Variants in PTPRG observed in about 807,000 individuals in gnomAD.
PTPRG encodes protein tyrosine phosphatase receptor type G.
PTPRG carries 102 observed loss-of-function variants against 165.3 expected under a neutral mutation model. That is an observed-to-expected ratio of 0.62 (90% CI 0.53 to 0.73). The LOEUF (loss-of-function observed/expected upper bound fraction) is 0.73, where lower values mean the gene tolerates loss of function less well. PTPRG is among the 30% of genes least tolerant of loss of function. The probability of loss-of-function intolerance (pLI) is 0.00; values close to 1 mark genes in which losing one functional copy is unlikely to be tolerated. For missense variants in PTPRG, 1,866 were observed against 1,861.4 expected, an observed-to-expected ratio of 1.00 and a Z score of -0.05; for synonymous variants, 675 against 669.5, an observed-to-expected ratio of 1.01 and a Z score of -0.13.
intron 2 of PTPRG, among the ~76,000 whole-genome samples, chr3:61,803,318 A>C (rs1186692339): frequency 1.3e-5 from 2 of 152,218 alleles, no homozygotes; most frequent in African/African-American, 4.8e-5. Context: ...TCGATAAAAA[A>C]AATTATTAGT....
Position 62,200,630 on chromosome 3 carries a change from T to A in PTPRG, c.1328-875T>A, listed in dbSNP as rs535315590. The stretch of plus-strand genomic sequence containing the variant: ...TATTTTACCGTAATCTTAAAAAAAA[T>A]TTTTTTCTAAGTTATATTGTTTAAT... On this transcript the variant is annotated intron_variant, in intron 10 of 29. Transcript: ENST00000474889. Among the ~76,000 whole-genome samples the A allele has an allele frequency of 2.2e-3, 331 of 150,242 alleles. 1 individual carries two copies. The highest frequency in any genetic ancestry group is 7.5e-3 in the African/African-American group (299 of 39,632).
chr3:62,169,224 C>T (rs925413382), intron 8 of PTPRG, among the ~76,000 whole-genome samples: 1 of 152,062 alleles, frequency 6.6e-6, no homozygotes, highest in African/African-American at 2.4e-5. Context: ...GGGGCCTTTG[C>T]CCGGGAACTG....
intron 1 of PTPRG, among the ~76,000 whole-genome samples, chr3:61,655,076 C>T (rs547101418): frequency 8.5e-5 from 13 of 152,092 alleles, no homozygotes; most frequent in Middle Eastern, 3.4e-3. Flanking sequence ...CGTGAGCCAC[C>T]GCACCCGGCC....
chr3:62,071,918 G>T (rs1294421689), intron 4 of PTPRG, among the ~76,000 whole-genome samples: 3 of 152,042 alleles, frequency 2.0e-5, no homozygotes, highest in African/African-American at 4.8e-5. Context: ...CTTACTAAAG[G>T]TTTGAAAAAC....
chr3:61,646,977 G>T (rs543801699), intron 1 of PTPRG, among the ~76,000 whole-genome samples: 142 of 152,250 alleles, frequency 9.3e-4, no homozygotes, highest in African/African-American at 3.4e-3. Context: ...TCCATGGTAG[G>T]GATGTGGCAG....
intron 1 of PTPRG, among the ~76,000 whole-genome samples, chr3:61,688,528 AG>A (rs1413686433): frequency 6.6e-6 from 1 of 152,176 alleles, no homozygotes; most frequent in Non-Finnish European, 1.5e-5. Context: ...ACGGCGGGGA[AG>A]GCTCTTCGCA....
At chr3:62,155,595 T>C (rs1042002064) in intron 6 of PTPRG, among the ~76,000 whole-genome samples, 1 of 152,242 alleles carries the variant, frequency 6.6e-6, no homozygotes, top group Non-Finnish European at 1.5e-5. Flanking sequence ...AACCTGTAAA[T>C]ACTCAGAATA....
chr3:61,928,459 G>C (rs997190300), intron 2 of PTPRG, among the ~76,000 whole-genome samples: 1 of 152,030 alleles, frequency 6.6e-6, no homozygotes, highest in East Asian at 1.9e-4. Flanking sequence ...AAATGAAATT[G>C]CTTGAATTTA....
intron 2 of PTPRG, among the ~76,000 whole-genome samples, chr3:61,959,118 C>G (rs949423652): frequency 1.3e-5 from 2 of 152,150 alleles, no homozygotes; most frequent in Admixed American, 1.3e-4. Context: ...TAATGACTTA[C>G]CAGGAATGCT....
chr3:62,045,624 C>T (rs561138549), intron 4 of PTPRG, among the ~76,000 whole-genome samples: 1 of 152,184 alleles, frequency 6.6e-6, no homozygotes. Flanking sequence ...GTCAAATGTC[C>T]TTAGTAATTT....
intron 2 of PTPRG, among the ~76,000 whole-genome samples, chr3:61,828,380 G>C (rs1416083576): frequency 2.0e-5 from 3 of 152,180 alleles, no homozygotes; most frequent in African/African-American, 7.2e-5. Context: ...AACATACCAG[G>C]CATAGTCAGT....
At chr3:61,820,759 G>A (rs1310357058) in intron 2 of PTPRG, among the ~76,000 whole-genome samples, 1 of 152,030 alleles carries the variant, frequency 6.6e-6, no homozygotes, top group African/African-American at 2.4e-5. Flanking sequence ...GTAACAGCTA[G>A]CTATAGCATT....
chr3:62,287,489 G>T (rs1432526971), intron 28 of PTPRG, among the ~76,000 whole-genome samples: 29 of 151,972 alleles, frequency 1.9e-4, no homozygotes, highest in Admixed American at 1.9e-3. Flanking sequence ...CTAAGAATGA[G>T]AAAATACATT....
At chr3:61,627,196 T>C (rs1237541418) in intron 1 of PTPRG, among the ~76,000 whole-genome samples, 1 of 150,626 alleles carries the variant, frequency 6.6e-6, no homozygotes, top group African/African-American at 2.5e-5. Context: ...ATAGTAGTGT[T>C]GGAATTATAC....
intron 21 of PTPRG, among the ~76,000 whole-genome samples, chr3:62,272,453 T>G (rs1475419439): frequency 6.6e-6 from 1 of 152,234 alleles, no homozygotes; most frequent in Admixed American, 6.5e-5. Flanking sequence ...TGCCTCTTTT[T>G]TGTTTGTTTT....
chr3:61,776,121 AG>A (rs1366456343), intron 2 of PTPRG, among the ~76,000 whole-genome samples: 2 of 152,052 alleles, frequency 1.3e-5, no homozygotes, highest in African/African-American at 4.8e-5. Flanking sequence ...TTCTGGTATA[AG>A]TCATTGCATT....
At chr3:61,654,916 G>C (rs1039464194) in intron 1 of PTPRG, among the ~76,000 whole-genome samples, 13 of 151,230 alleles carry the variant, frequency 8.6e-5, no homozygotes, top group African/African-American at 3.2e-4. Context: ...TGAGTAGCTA[G>C]GATTTTAGGT....
At chr3:61,836,430 C>T (rs2036463812) in intron 2 of PTPRG, among the ~76,000 whole-genome samples, 1 of 152,082 alleles carries the variant, frequency 6.6e-6, no homozygotes, top group Non-Finnish European at 1.5e-5. Flanking sequence ...ATGGTAGGCT[C>T]AGTTCCAAAC....
chr3:61,888,157 C>T lies in PTPRG; in HGVS notation c.191-101468C>T, dbSNP rs367735235. On this transcript the variant is annotated intron_variant, in intron 2 of 29. Coordinates refer to ENST00000474889, the MANE Select transcript of PTPRG (RefSeq NM_002841.4). Reference sequence around the variant, plus strand: ...AAAGTTGAAAGAAAAGTACAAAAACCGTCTGTATACTTTTGATCTAGTTTC... The same window carrying T: ...AAAGTTGAAAGAAAAGTACAAAAACTGTCTGTATACTTTTGATCTAGTTTC... 7.6e-4 allele frequency among the ~76,000 whole-genome samples: 116 copies of T among 151,770 alleles called. 4 individuals are homozygous for T. The South Asian group carries it at 0.023, about 29-fold the overall frequency.
Sources: allele counts gnomAD v4.1 joint callset (sites outside exome capture counted in the v4.1 genomes callset), GRCh38; gene constraint gnomAD v4.1.1; transcripts MANE v1.5; gene names NCBI Gene and HGNC (gene_info 2026-07-23, HGNC 2026-07-21).